The following MYO1C variants were observed in gnomAD, a reference collection of about 807,000 sequenced individuals.
MYO1C encodes myosin IC, also known as unconventional myosin-Ic.
Under a neutral mutation model 150.8 loss-of-function variants are expected in MYO1C, and 104 were observed. The ratio of observed to expected loss-of-function variants is 0.69; its 90% CI spans 0.59 to 0.81. MYO1C has a LOEUF of 0.81. MYO1C is among the 30% of genes least tolerant of loss of function. The pLI, the probability that MYO1C is intolerant of heterozygous loss-of-function variation, is 0.00. For synonymous variants in MYO1C, 663 were observed against 579.9 expected, an observed-to-expected ratio of 1.14 and a Z score of -2.06; for missense variants, 1,504 against 1,435.0, an observed-to-expected ratio of 1.05 and a Z score of -0.78.
intron 1 of MYO1C, chr17:1,485,472 T>C: frequency 1.5e-6 from 1 of 645,624 alleles, no homozygotes; most frequent in East Asian, 6.8e-5. Flanking sequence ...GTCAGGGGTC[T>C]CCGCGTTCTC....
rs752460480 is a variant in MYO1C, at chr17:1,483,031, C to A, written c.376G>T (p.Ala126Ser). Residue 126 changes from alanine (A) to serine (S), a missense_variant, in exon 4 of 32, where the codon GCA becomes TCA. Physicochemically the swap from Ala to Ser is moderately conservative, Grantham distance 99 (BLOSUM62 1). Transcript: ENST00000648651. The stretch of plus-strand genomic sequence containing the variant: ...TGGTCCCGACGCTCCGTGCGCAGTG[C>A]TCGGTACACAGTGTCCGCCACGGCA... ...LFAVADTVYR[A>S]LRTERRDQAV... is the part of the protein sequence containing the mutation. 2 of 1,611,158 alleles carry A rather than the reference C, an allele frequency of 1.2e-6. No homozygotes were observed. The highest frequency in any genetic ancestry group is 2.2e-5 in the South Asian group (2 of 90,794).
intron 24 of MYO1C, among the ~76,000 whole-genome samples, chr17:1,469,927 C>T (rs2074263629): frequency 6.6e-6 from 1 of 152,058 alleles, no homozygotes; most frequent in African/African-American, 2.4e-5. Context: ...CCCAGCTACT[C>T]AGGAGGCTGA....
At chr17:1,470,108 C>T (rs915563276) in intron 24 of MYO1C, 67 bp downstream of exon 24, 11 of 1,499,442 alleles carry the variant, frequency 7.3e-6, no homozygotes, top group South Asian at 3.8e-5. Context: ...TCCTTTGGCC[C>T]GAAGAAATCA....
In MYO1C at chr17:1,467,889, C is replaced by T. The variant is rs771545332; in HGVS notation, c.2918G>A (p.Ser973Asn). Reference protein sequence around the residue: ...NLTGISVSSLSDSLFVLHVQR... With the variant: ...NLTGISVSSLNDSLFVLHVQR... ...TACATGAAGCACAAAAAGACTGTCG[C>T]TCAGGCTGCTGACAGAGATTCCTGA... The change falls in exon 29 of 32, where the codon AGC becomes AAC. Residue 973 changes from serine (S) to asparagine (N), a missense_variant. Ser to Asn is a conservative substitution (Grantham distance 46, BLOSUM62 1). Transcript: ENST00000648651. 1 of 1,611,554 alleles carries T rather than the reference C, an allele frequency of 6.2e-7. No homozygotes were observed. The highest frequency in any genetic ancestry group is 2.2e-5 in the East Asian group (1 of 44,796).
At chr17:1,469,803 G>A (rs1208489914) in intron 24 of MYO1C, among the ~76,000 whole-genome samples, 189 bp from the exon 25 acceptor site, 1 of 151,088 alleles carries the variant, frequency 6.6e-6, no homozygotes, top group Non-Finnish European at 1.5e-5. Flanking sequence ...GGGAGGCCAA[G>A]GTGGGTGGAT....
At chr17:1,484,980 C>T in intron 1 of MYO1C, 1 of 597,952 alleles carries the variant, frequency 1.7e-6, no homozygotes, top group Non-Finnish European at 2.8e-6. Flanking sequence ...CCCACCCCAG[C>T]TGGGCTCAGC....
Position 1,467,523 on chromosome 17 carries a change from G to C in MYO1C, c.3022C>G (p.Leu1008Val). The C allele has an allele frequency of 6.2e-7, 1 of 1,613,580 alleles. No individual in the cohort carries two copies. The change falls in exon 30 of 32, where the codon CTC (leucine) becomes GTC (valine). Residue 1008 changes from leucine to valine, a missense_variant. By Grantham distance (32) the Leu-to-Val change is conservative (BLOSUM62 1). Coordinates refer to ENST00000648651, the MANE Select transcript of MYO1C (RefSeq NM_001080779.2). The stretch of plus-strand genomic sequence containing the variant: ...ATGCTGTTCACGCGGTTGGCACTGA[G>C]GGCTGTCTTGGTCAGCGTCTCAATC... ...HVIETLTKTA[L>V]SANRVNSINI...
intron 25 of MYO1C, chr17:1,469,288 G>A (rs62089654): frequency 3.6e-6 from 2 of 551,556 alleles, no homozygotes; most frequent in East Asian, 3.2e-5. Flanking sequence ...GAGTAGACTG[G>A]GGTAAATACG....
chr17:1,490,548 C>T (rs1340487003), intron 1 of MYO1C, among the ~76,000 whole-genome samples: 2 of 152,256 alleles, frequency 1.3e-5, no homozygotes, highest in African/African-American at 2.4e-5. Flanking sequence ...ACCTCCATCA[C>T]TGCTCCTTAC....
chr17:1,470,299 C>T lies in MYO1C; in HGVS notation c.2402G>A (p.Arg801His), dbSNP rs777758050. The change falls in exon 24 of 32, where the codon CGC (arginine) becomes CAC (histidine). Residue 801 changes from arginine (R) to histidine (H), a missense_variant. Arg to His is a conservative substitution (Grantham distance 29). Coordinates refer to ENST00000648651, the MANE Select transcript of MYO1C (RefSeq NM_001080779.2). ...CAGGAAGAAGGCGTTCTCGGGGCAG[C>T]GGGGGGCGTGGCGCAGGACGAAGCC... ...IRGFVLRHAP[R>H]CPENAFFLDH... The T allele has an allele frequency of 6.0e-6, 8 of 1,335,000 alleles. No homozygotes were observed. The highest frequency in any genetic ancestry group is 1.2e-5 in the South Asian group (1 of 82,158). 82.7% of individuals were successfully genotyped at this position (1,335,000 alleles called of 1,614,324 possible).
At chr17:1,466,385 T>C (rs1252846739) in intron 31 of MYO1C, among the ~76,000 whole-genome samples, 2 of 151,932 alleles carry the variant, frequency 1.3e-5, no homozygotes, top group Admixed American at 1.3e-4. Flanking sequence ...GGGTAGAGTG[T>C]AATGGCGCAA....
Position 1,472,231 on chromosome 17 carries a change from G to T in MYO1C, c.1798-3C>A. On this transcript the variant is annotated splice_polypyrimidine_tract_variant and splice_region_variant and intron_variant, in intron 17 of 31. Transcript: ENST00000648651. ...CTCATCTTGAACTGGGTGGCGACCT[G>T]GCGAGCCAAGAGGCATGGGAGGTTG... 6.2e-7 allele frequency: 1 copy of T among 1,613,964 alleles called. No homozygotes were observed. The highest frequency in any genetic ancestry group is 1.1e-5 in the South Asian group (1 of 91,084).
At chr17:1,486,408 C>A (rs2074656447) in intron 1 of MYO1C, among the ~76,000 whole-genome samples, 1 of 152,194 alleles carries the variant, frequency 6.6e-6, no homozygotes, top group Non-Finnish European at 1.5e-5. Flanking sequence ...AGTTCCCCCT[C>A]TGGGAAATTC....
intron 1 of MYO1C, chr17:1,484,506 G>T (rs1598346468): frequency 1.5e-6 from 1 of 646,572 alleles, no homozygotes; most frequent in East Asian, 2.7e-5. Flanking sequence ...GGTGTGGAGG[G>T]CCCGGGTCCC....
intron 17 of MYO1C, 121 bp downstream of exon 17, chr17:1,474,489 C>T (rs1168005856): frequency 2.8e-5 from 28 of 1,003,216 alleles, no homozygotes; most frequent in Non-Finnish European, 4.2e-5. Context: ...CCTACAGACA[C>T]CTGCAGATGT....
chr17:1,467,976 A>AC lies in MYO1C; in HGVS notation c.2896+11dup, dbSNP rs1304813259. On this transcript the variant is annotated intron_variant, in intron 28 of 31. Transcript: ENST00000648651. ...CAGGGCCCTCCCCCTGCAGCCCTGG[A>AC]CCCTGGCTGACCGGTCAGGTTGGCG... is the stretch of plus-strand genomic sequence containing the variant. 6.2e-7 allele frequency: 1 copy of AC among 1,612,482 alleles called. No homozygotes were observed. The highest frequency in any genetic ancestry group is 8.5e-7 in the Non-Finnish European group (1 of 1,179,698).
At position 1,471,304 on chromosome 17, in the gene MYO1C, G is replaced by A. The variant is rs749913381; in HGVS notation, c.2054C>T (p.Thr685Met). Residue 685 changes from threonine (T) to methionine (M), a missense_variant, in exon 20 of 32, where the codon ACG (threonine) becomes ATG (methionine). Transcript: ENST00000648651. ...YKSLCPETWP[T>M]WAGRPQDGVA... The stretch of plus-strand genomic sequence containing the variant: ...CCCATCCTGCGGCCGTCCTGCCCAC[G>A]TGGGCCACGTCTCTGGGCACAGTGA... The A allele has an allele frequency of 1.3e-5, 21 of 1,613,802 alleles. No individual in the cohort carries two copies. The highest frequency in any genetic ancestry group is 2.7e-5 in the African/African-American group (2 of 74,888).
rs2074500486 is a variant in MYO1C at position 1,480,601 on chromosome 17, TGGA to T, written c.829_831del (p.Ser277del). On this transcript the variant is annotated inframe_deletion, in exon 7 of 32. Coordinates refer to ENST00000648651, the MANE Select transcript of MYO1C (RefSeq NM_001080779.2). ...ACCTTCCAGTCACTCTTGTCGTTGA[TGGA>T]GGAGACTTTGGCACACTGGCCCTGG... The T allele has an allele frequency of 6.2e-7, 1 of 1,614,186 alleles. No individual in the cohort carries two copies. Among genetic ancestry groups the T allele is most frequent in the Non-Finnish European group, 8.5e-7 (1 of 1,180,038 alleles).
In MYO1C at chr17:1,484,563, A is replaced by G. The variant is rs1447272021; in HGVS notation, c.76-260T>C. 7.0e-5 allele frequency: 41 copies of G among 587,540 alleles called. No homozygotes were observed. The South Asian group carries it at 7.8e-4, about 11-fold the overall frequency. 36.4% of individuals were successfully genotyped at this position (587,540 alleles called of 1,614,324 possible). A position where few individuals can be genotyped will look rare whatever the true frequency, so the allele number is the denominator to read the frequency against. ...CCGAGGCTGCGGGCACAGAACAGAG[A>G]CAACATGAACCACTTGGGACTCGGA... On this transcript the variant is annotated intron_variant, in intron 1 of 31. Coordinates refer to ENST00000648651, the MANE Select transcript of MYO1C (RefSeq NM_001080779.2).
Sources: allele counts gnomAD v4.1 joint callset (sites outside exome capture counted in the v4.1 genomes callset), GRCh38; gene constraint gnomAD v4.1.1; transcripts MANE v1.5; gene names NCBI Gene and HGNC (gene_info 2026-07-23, HGNC 2026-07-21).